The following GABRG3 variants were observed in gnomAD, a reference collection of about 807,000 sequenced individuals.
The protein encoded by GABRG3 is gamma-aminobutyric acid type A receptor subunit gamma3, also known as gamma-aminobutyric acid receptor subunit gamma-3.
In GABRG3, 25 loss-of-function variants were observed where a neutral mutation model predicts 48.8. The observed-to-expected ratio is 0.51, with a 90% confidence interval of 0.37 to 0.72. GABRG3 has a LOEUF of 0.72. GABRG3 is among the 30% of genes least tolerant of loss of function. The probability of loss-of-function intolerance (pLI) is 0.00; values close to 1 mark genes in which losing one functional copy is unlikely to be tolerated. For synonymous variants in GABRG3, 227 were observed against 217.6 expected, an observed-to-expected ratio of 1.04 and a Z score of -0.38; for missense variants, 394 against 577.9, an observed-to-expected ratio of 0.68 and a Z score of 3.26.
At chr15:27,057,897 G>A (rs144179833) in intron 3 of GABRG3, among the ~76,000 whole-genome samples, 2 of 152,162 alleles carry the variant, frequency 1.3e-5, no homozygotes, top group Admixed American at 6.5e-5. Context: ...ATGACAGTCC[G>A]CTCCCATTGC....
chr15:27,026,311 T>C (rs972785330), intron 2 of GABRG3, among the ~76,000 whole-genome samples: 6 of 152,262 alleles, frequency 3.9e-5, no homozygotes, highest in Admixed American at 3.9e-4. Flanking sequence ...GCTTGACAGC[T>C]ATGTGGTGGA....
chr15:26,998,761 C>T (rs1333264406), intron 2 of GABRG3, among the ~76,000 whole-genome samples: 2 of 152,016 alleles, frequency 1.3e-5, no homozygotes, highest in Middle Eastern at 3.2e-3. Flanking sequence ...CCTAACTTAC[C>T]CAGCATAGAG....
At chr15:27,453,689 C>G (rs936459985) in intron 5 of GABRG3, among the ~76,000 whole-genome samples, 6 of 152,188 alleles carry the variant, frequency 3.9e-5, no homozygotes, top group African/African-American at 1.4e-4. Flanking sequence ...GCAACCTCCA[C>G]CTCCCAGATT....
chr15:27,166,499 G>C (rs1887376255), intron 3 of GABRG3, among the ~76,000 whole-genome samples: 1 of 152,064 alleles, frequency 6.6e-6, no homozygotes, highest in Admixed American at 6.5e-5. Context: ...GGAGCCTCTA[G>C]GGTAATAAAG....
At chr15:27,116,753 AAGAGGTTTC>A (rs1897648052) in intron 3 of GABRG3, among the ~76,000 whole-genome samples, 1 of 152,170 alleles carries the variant, frequency 6.6e-6, no homozygotes, top group African/African-American at 2.4e-5. Flanking sequence ...GTTTTCATAA[AAGAGGTTTC>A]ACACAGCATT....
In GABRG3 at chr15:27,326,764, A is replaced by G. The variant is rs779514701; in HGVS notation, c.271-45A>G. 17 of 1,457,610 alleles carry G rather than the reference A, an allele frequency of 1.2e-5. No homozygotes were observed. The South Asian group carries it at 1.9e-4, about 17-fold the overall frequency. The allele number at this position is 1,457,610 out of a possible 1,614,324, so 90.3% of individuals were successfully genotyped here. ...ACAAAGAGAACAAATTATACAGAAC[A>G]TTTATTAATAGAACTGTCTTGCCTC... is the stretch of plus-strand genomic sequence containing the variant. On this transcript the variant is annotated intron_variant, in intron 3 of 9. Coordinates refer to ENST00000615808, the MANE Select transcript of GABRG3 (RefSeq NM_033223.5).
At chr15:27,388,871 GAGAGAGAC>G (rs201860052) in intron 5 of GABRG3, among the ~76,000 whole-genome samples, 1 of 152,184 alleles carries the variant, frequency 6.6e-6, no homozygotes, top group Admixed American at 6.5e-5. Context: ...GAGAGGAAGA[GAGAGAGAC>G]AGAGAGACAG....
rs576027905 is a variant in GABRG3 at position 27,051,643 on chromosome 15, G to A, written c.270+24822G>A. On this transcript the variant is annotated intron_variant, in intron 3 of 9. Transcript: ENST00000615808. ...TAAGACAGTAGTCCCCAACCTTTTT[G>A]GCACCAGGGACCGGTTTCATGGAAG... Among the ~76,000 whole-genome samples, 13 of 152,300 alleles carry A rather than the reference G, an allele frequency of 8.5e-5. No homozygotes were observed. The East Asian group carries it at 2.5e-3, about 29-fold the overall frequency.
chr15:27,206,747 A>G (rs898626549), intron 3 of GABRG3, among the ~76,000 whole-genome samples: 1 of 152,174 alleles, frequency 6.6e-6, no homozygotes, highest in African/African-American at 2.4e-5. Context: ...TGTCGGGTGC[A>G]TATATATTTA....
chr15:27,409,770 T>G (rs979132119), intron 5 of GABRG3, among the ~76,000 whole-genome samples: 3 of 152,196 alleles, frequency 2.0e-5, no homozygotes, highest in African/African-American at 4.8e-5. Flanking sequence ...AAATGACTGA[T>G]TTTTATGTGT....
At position 26,976,108 on chromosome 15, in the gene GABRG3, A is replaced by C. The variant is rs1165595615; in HGVS notation, c.54-894A>C. Among the ~76,000 whole-genome samples the C allele has an allele frequency of 6.6e-6, 1 of 150,742 alleles. No individual in the cohort carries two copies. The highest frequency in any genetic ancestry group is 1.5e-5 in the Non-Finnish European group (1 of 67,778). Reference sequence around the variant, plus strand: ...AAACCAAACATTTTTTAAAAAACCCAAAACTGCAGAACCAAAAAAAAAAAA... The same window carrying C: ...AAACCAAACATTTTTTAAAAAACCCCAAACTGCAGAACCAAAAAAAAAAAA... On this transcript the variant is annotated intron_variant, in intron 1 of 9. Coordinates refer to ENST00000615808, the MANE Select transcript of GABRG3 (RefSeq NM_033223.5). This position sits in a 1 kb window ranked among gnomAD's most constrained non-coding sequence, Gnocchi z 7.8.
In GABRG3 at chr15:27,308,405, CAT is replaced by C. The variant is rs377436608; in HGVS notation, c.271-18398_271-18397del. Among the ~76,000 whole-genome samples the C allele has an allele frequency of 1.4e-3, 203 of 142,972 alleles. 1 individual carries two copies. Among genetic ancestry groups the C allele is most frequent in the South Asian group, 7.1e-3 (31 of 4,362 alleles). The allele number at this position is 142,972 out of a possible 152,430, so 93.8% of individuals were successfully genotyped here. A position where few individuals can be genotyped will look rare whatever the true frequency, so the allele number is the denominator to read the frequency against. ...TTTATATATAAACATATAATATAAA[CAT>C]ATATAAACATGTAATGTAAACATAC... On this transcript the variant is annotated intron_variant, in intron 3 of 9. Coordinates refer to ENST00000615808, the MANE Select transcript of GABRG3 (RefSeq NM_033223.5).
At chr15:27,075,638 A>G (rs1896897658) in intron 3 of GABRG3, among the ~76,000 whole-genome samples, 1 of 152,226 alleles carries the variant, frequency 6.6e-6, no homozygotes, top group African/African-American at 2.4e-5. Context: ...AGCAAGCTAG[A>G]GGAGATGTTC....
chr15:27,177,426 C>T (rs1167487773), intron 3 of GABRG3, among the ~76,000 whole-genome samples: 1 of 152,188 alleles, frequency 6.6e-6, no homozygotes, highest in South Asian at 2.1e-4. Flanking sequence ...TTTTACTATG[C>T]CTATATTTTA....
chr15:27,472,460 G>A (rs1461774409), intron 5 of GABRG3, among the ~76,000 whole-genome samples: 1 of 152,036 alleles, frequency 6.6e-6, no homozygotes, highest in Non-Finnish European at 1.5e-5. Flanking sequence ...ATTTTTAGTG[G>A]AGATGGTGTT....
chr15:27,519,008 G>A (rs1306942913), intron 6 of GABRG3, among the ~76,000 whole-genome samples: 4 of 152,110 alleles, frequency 2.6e-5, no homozygotes, highest in Non-Finnish European at 4.4e-5. Flanking sequence ...GAGAAAAGGA[G>A]GAGTCAGAGG....
intron 3 of GABRG3, among the ~76,000 whole-genome samples, chr15:27,261,488 C>G (rs970940476): frequency 6.6e-6 from 1 of 150,954 alleles, no homozygotes; most frequent in African/African-American, 2.4e-5. Context: ...GCTGTTAATC[C>G]CCATCACACA....
At chr15:27,334,868 G>A (rs1038721739) in intron 5 of GABRG3, among the ~76,000 whole-genome samples, 1 of 152,032 alleles carries the variant, frequency 6.6e-6, no homozygotes, top group African/African-American at 2.4e-5. Flanking sequence ...CATGATCCCT[G>A]CCCCCACAAA....
intron 3 of GABRG3, among the ~76,000 whole-genome samples, chr15:27,260,984 G>A (rs1440179466): frequency 6.6e-6 from 1 of 151,884 alleles, no homozygotes; most frequent in African/African-American, 2.4e-5. Flanking sequence ...AGGACACAAT[G>A]GTATTCTACA....
Sources: gnomAD v4.1 joint callset for allele counts (sites outside exome capture counted in the v4.1 genomes callset) on GRCh38, gnomAD v4.1.1 for gene constraint, Gnocchi (gnomAD v3.1) non-coding constraint, MANE v1.5 for transcripts, NCBI Gene and HGNC (gene_info 2026-07-23, HGNC 2026-07-21) for gene names.